PAX3: variants seen among roughly 807,000 people sequenced by gnomAD.
The protein encoded by PAX3 is paired box protein Pax-3.
In PAX3, 14 loss-of-function variants were observed where a neutral mutation model predicts 51.6. The ratio of observed to expected loss-of-function variants is 0.27; its 90% CI spans 0.18 to 0.42. The LOEUF is 0.42. Among genes scored for constraint, PAX3 ranks in the 10% least tolerant of loss-of-function variants. PAX3 has a pLI of 1.00. For missense variants in PAX3, 540 were observed against 642.8 expected (o/e 0.84, Z 1.73); for synonymous variants, 280 against 253.4 (o/e 1.11, Z -1.00).
chr2:222,235,111 T>C (rs1692750438), intron 4 of PAX3, among the ~76,000 whole-genome samples: 1 of 152,210 alleles, frequency 6.6e-6, no homozygotes, highest in African/African-American at 2.4e-5. Context: ...TGATGTGCCA[T>C]GCACTGTCAG....
intron 1 of PAX3, 32 bp from the exon 2 acceptor site, chr2:222,297,245 A>T: frequency 6.8e-7 from 1 of 1,472,332 alleles, no homozygotes; most frequent in Non-Finnish European, 9.3e-7. Flanking sequence ...AAGCAAGGGA[A>T]AAGTCACTGG....
At chr2:222,206,138 A>AT (rs11366818) in intron 7 of PAX3, among the ~76,000 whole-genome samples, 22,514 of 148,322 alleles carry the variant, frequency 0.15, 2,134 homozygotes, top group East Asian at 0.28. Context: ...TTTTGTACCA[A>AT]TTTTTTTTTT....
intron 4 of PAX3, among the ~76,000 whole-genome samples, chr2:222,267,290 A>G (rs1694086315): frequency 6.6e-6 from 1 of 152,208 alleles, no homozygotes; most frequent in South Asian, 2.1e-4. Context: ...GAGGAATACA[A>G]TTAAAAAGTA....
At chr2:222,209,832 A>G (rs902273553) in intron 7 of PAX3, among the ~76,000 whole-genome samples, 2 of 150,018 alleles carry the variant, frequency 1.3e-5, no homozygotes, top group Non-Finnish European at 3.0e-5. Flanking sequence ...TCAAGGCTGC[A>G]ATGAGCCATG....
intron 4 of PAX3, among the ~76,000 whole-genome samples, chr2:222,245,889 G>A (rs1693211004): frequency 6.6e-6 from 1 of 152,032 alleles, no homozygotes; most frequent in African/African-American, 2.4e-5. Context: ...GCTAAAGCAG[G>A]AGAATCATTT....
intron 4 of PAX3, among the ~76,000 whole-genome samples, chr2:222,289,767 C>A (rs1406167741): frequency 1.3e-5 from 2 of 152,132 alleles, no homozygotes; most frequent in African/African-American, 4.8e-5. Flanking sequence ...ATTGTTACCG[C>A]GACATTAATA....
chr2:222,210,608 C>T (rs1691688300), intron 7 of PAX3, among the ~76,000 whole-genome samples: 1 of 152,092 alleles, frequency 6.6e-6, no homozygotes, highest in African/African-American at 2.4e-5. Flanking sequence ...ATAGTGGGTT[C>T]TCATGGTATT....
intron 7 of PAX3, among the ~76,000 whole-genome samples, chr2:222,206,120 G>A (rs1691499030): frequency 6.7e-6 from 1 of 150,214 alleles, no homozygotes; most frequent in South Asian, 2.1e-4. Context: ...TCTACTACAG[G>A]GCTGGCATTT....
At chr2:222,201,550 G>A (rs1200590237) in intron 8 of PAX3, 108 bp from the exon 9 acceptor site, 4 of 1,452,438 alleles carry the variant, frequency 2.8e-6, no homozygotes, top group Non-Finnish European at 3.9e-6. Flanking sequence ...TGCTATCAAA[G>A]GCTTGAGACT....
intron 4 of PAX3, chr2:222,293,672 G>A: frequency 1.2e-6 from 2 of 1,614,092 alleles, no homozygotes; most frequent in Non-Finnish European, 1.7e-6. Context: ...GCCAATGTGG[G>A]GGCAATTTTG....
chr2:222,295,059 C>G (rs189166317), intron 3 of PAX3, among the ~76,000 whole-genome samples: 1 of 152,032 alleles, frequency 6.6e-6, no homozygotes, highest in Non-Finnish European at 1.5e-5. Context: ...TCCGCCTCCC[C>G]CAGGCTGCCG....
chr2:222,245,717 C>T (rs1043648707), intron 4 of PAX3, among the ~76,000 whole-genome samples: 14 of 151,878 alleles, frequency 9.2e-5, no homozygotes, highest in African/African-American at 3.1e-4. Flanking sequence ...CACCTGTAAA[C>T]CCAGCACTTT....
At chr2:222,288,293 C>A (rs1361935175) in intron 4 of PAX3, among the ~76,000 whole-genome samples, 3 of 152,210 alleles carry the variant, frequency 2.0e-5, no homozygotes, top group Non-Finnish European at 4.4e-5. Flanking sequence ...ACAAACATAT[C>A]TTCATTTTGT....
At chr2:222,234,708 A>G (rs562712015) in intron 4 of PAX3, among the ~76,000 whole-genome samples, 2 of 152,336 alleles carry the variant, frequency 1.3e-5, no homozygotes, top group South Asian at 4.1e-4. Context: ...CCACCTCTAT[A>G]GAATATTCTA....
At chr2:222,253,394 C>A (rs908454235) in intron 4 of PAX3, among the ~76,000 whole-genome samples, 4 of 152,136 alleles carry the variant, frequency 2.6e-5, no homozygotes, top group Non-Finnish European at 5.9e-5. Flanking sequence ...CTTTCTCAAA[C>A]CCTAAAGACA....
chr2:222,287,859 T>TA (rs928641441), intron 4 of PAX3, among the ~76,000 whole-genome samples: 10 of 151,844 alleles, frequency 6.6e-5, no homozygotes, highest in African/African-American at 9.7e-5. Flanking sequence ...TGAACAAGAG[T>TA]AAAAAATAAA....
chr2:222,294,425 C>T, intron 3 of PAX3, 124 bp from the exon 4 acceptor site: 2 of 1,021,192 alleles, frequency 2.0e-6, no homozygotes, highest in Non-Finnish European at 1.5e-6. Context: ...CTGCACTGCT[C>T]GCGGGTGTCT....
At chr2:222,222,371 A>C (rs999236810) in intron 5 of PAX3, among the ~76,000 whole-genome samples, 8 of 151,912 alleles carry the variant, frequency 5.3e-5, no homozygotes, top group Non-Finnish European at 2.9e-5. Flanking sequence ...TACCAACTAA[A>C]GATATTCTAA....
intron 7 of PAX3, among the ~76,000 whole-genome samples, chr2:222,211,391 A>G (rs532832061): frequency 6.6e-6 from 1 of 152,294 alleles, no homozygotes; most frequent in East Asian, 1.9e-4. Context: ...CTGTCTTTAG[A>G]TTAATGAGTT....
Sources: gnomAD v4.1 joint callset for allele counts (sites outside exome capture counted in the v4.1 genomes callset) on GRCh38, gnomAD v4.1.1 for gene constraint, MANE v1.5 for transcripts, NCBI Gene and HGNC (gene_info 2026-07-23, HGNC 2026-07-21) for gene names.